RAB37: variants seen among roughly 807,000 people sequenced by gnomAD.
The protein encoded by RAB37 is ras-related protein Rab-37.
RAB37 carries 29 observed loss-of-function variants against 33.1 expected under a neutral mutation model. The observed-to-expected ratio is 0.88, with a 90% CI of 0.65 to 1.20. The LOEUF is 1.20. Ranked by LOEUF, RAB37 falls within the 50% of genes most tolerant of loss-of-function variation. The pLI is 0.00. For synonymous variants in RAB37, 128 were observed against 119.5 expected, an observed-to-expected ratio of 1.07 and a Z score of -0.47; for missense variants, 299 against 301.1, an observed-to-expected ratio of 0.99 and a Z score of 0.05.
rs1161100131 is a variant in RAB37 at position 74,730,368 on chromosome 17, A to G, written c.183+1002A>G. On this transcript the variant is annotated intron_variant, in intron 2 of 7. Transcript: ENST00000340415. This position sits in a 1 kb window ranked among gnomAD's most constrained non-coding sequence, Gnocchi z 4.4. ...GGAAGAGAGAGAGGAAAACTCAGAA[A>G]AATGGGCTTGCCCACTGGGTCACAG... Among the ~76,000 whole-genome samples, 1 of 152,192 alleles carries G rather than the reference A, an allele frequency of 6.6e-6. No homozygotes were observed. Among genetic ancestry groups the G allele is most frequent in the Non-Finnish European group, 1.5e-5 (1 of 68,012 alleles).
rs1190665283 is a variant in RAB37 at position 74,671,802 on chromosome 17, T to C, written c.72+144T>C. On this transcript the variant is annotated intron_variant, in intron 1 of 7. Coordinates refer to the RAB37 transcript ENST00000340415. This position sits in a 1 kb window ranked among gnomAD's most constrained non-coding sequence, Gnocchi z 5.0. ...CTGGGGAGCCCTTTCTGTCTGATCC[T>C]GTTTCCTGCTCAAAACAGAGATGCG... The C allele has an allele frequency of 2.8e-6, 2 of 714,658 alleles. No homozygotes were observed. Among genetic ancestry groups the C allele is most frequent in the Non-Finnish European group, 4.8e-6 (2 of 417,984 alleles). 44.3% of individuals were successfully genotyped at this position (714,658 alleles called of 1,614,324 possible). A position where few individuals can be genotyped will look rare whatever the true frequency, so the allele number is the denominator to read the frequency against.
At chr17:74,720,083 C>A (rs1056999174) in intron 1 of RAB37, among the ~76,000 whole-genome samples, 1 of 152,146 alleles carries the variant, frequency 6.6e-6, no homozygotes, top group Admixed American at 6.6e-5. Context: ...AGGAGAGTTC[C>A]TTTGACCCTT....
chr17:74,679,243 T>G lies in RAB37; in HGVS notation c.72+7585T>G, dbSNP rs113177332. ...TCGGAACTGTCATTTATTAGAGCAG[T>G]ACCCCTAGGGGAGAGTCAGGAACTG... On this transcript the variant is annotated intron_variant, in intron 1 of 7. Coordinates refer to the RAB37 transcript ENST00000340415. Among the ~76,000 whole-genome samples the G allele has an allele frequency of 1.0e-3, 156 of 152,282 alleles. 1 individual carries two copies. Among genetic ancestry groups the G allele is most frequent in the African/African-American group, 3.4e-3 (142 of 41,560 alleles).
chr17:74,736,971 G>A (rs187160335), upstream of RAB37: 651 of 1,561,590 alleles, frequency 4.2e-4, 1 homozygote, highest in East Asian at 3.7e-3. Flanking sequence ...CTCCCCCAGG[G>A]GCAAGCAAGC....
chr17:74,697,048 T>G (rs896706266), intron 1 of RAB37, among the ~76,000 whole-genome samples: 1 of 152,204 alleles, frequency 6.6e-6, no homozygotes, highest in Non-Finnish European at 1.5e-5. Context: ...TTCAAGCGAT[T>G]CTCCTGCCTT....
intron 1 of RAB37, among the ~76,000 whole-genome samples, chr17:74,726,593 TAACA>T (rs2034310436): frequency 6.6e-6 from 1 of 152,114 alleles, no homozygotes; most frequent in Non-Finnish European, 1.5e-5. Flanking sequence ...CCACTGCACA[TAACA>T]AACAAATGAG....
chr17:74,712,001 C>T (rs1289620850), intron 1 of RAB37, among the ~76,000 whole-genome samples: 6 of 149,860 alleles, frequency 4.0e-5, no homozygotes, highest in Non-Finnish European at 8.9e-5. Context: ...AACTCCTGGG[C>T]TCAAGTGATC....
chr17:74,728,861 C>T (rs377579615), intron 1 of RAB37, among the ~76,000 whole-genome samples: 9 of 132,034 alleles, frequency 6.8e-5, no homozygotes, highest in East Asian at 4.5e-4. Context: ...TGTTTCTGTG[C>T]CATGTGTGTT....
intron 1 of RAB37, among the ~76,000 whole-genome samples, chr17:74,696,899 ATTTT>A (rs2032532766): frequency 7.4e-6 from 1 of 136,020 alleles, no homozygotes; most frequent in Admixed American, 7.4e-5. Context: ...GTAGGGACCG[ATTTT>A]GTTTGGTTTG....
chr17:74,732,308 C>T (rs2034394426), upstream of RAB37, among the ~76,000 whole-genome samples: 1 of 152,220 alleles, frequency 6.6e-6, no homozygotes, highest in African/African-American at 2.4e-5. Flanking sequence ...CCACATTTTG[C>T]AAAACATGAG....
In RAB37 at chr17:74,671,600, G is replaced by C. The variant is rs1164836690; in HGVS notation, c.14G>C (p.Arg5Thr). ...TCCAAGCCTGGCATGGACCTGCAGAGACCCGATTCCTACCAGGGAGGAGCT... is the reference window on the plus strand; with the variant it reads ...TCCAAGCCTGGCATGGACCTGCAGACACCCGATTCCTACCAGGGAGGAGCT... Residue 5 changes from arginine to threonine, a missense_variant, in exon 1 of 8, where the codon AGA becomes ACA. By Grantham distance (71) the Arg-to-Thr change is moderately conservative. Transcript: ENST00000340415. This position sits in a 1 kb window ranked among gnomAD's most constrained non-coding sequence, Gnocchi z 5.0. 2 of 1,614,216 alleles carry C rather than the reference G, an allele frequency of 1.2e-6. No individual in the cohort carries two copies. The highest frequency in any genetic ancestry group is 2.2e-5 in the East Asian group (1 of 44,882).
chr17:74,698,583 G>A, intron 1 of RAB37: 1 of 1,519,070 alleles, frequency 6.6e-7, no homozygotes, highest in Non-Finnish European at 8.8e-7. Context: ...CACCTGATGA[G>A]CTGCAGGTCT....
intron 1 of RAB37, chr17:74,694,312 G>C (rs958258892): frequency 2.0e-5 from 3 of 152,096 alleles, no homozygotes; most frequent in East Asian, 1.9e-4. Flanking sequence ...CACCAATTTC[G>C]TGGCTCATTA....
chr17:74,722,999 C>T (rs149508712), intron 1 of RAB37, among the ~76,000 whole-genome samples: 41 of 152,318 alleles, frequency 2.7e-4, no homozygotes, highest in African/African-American at 8.7e-4. Context: ...CAGCATTAGC[C>T]TGGCTCCCAT....
Position 74,671,951 on chromosome 17 carries a change from AC to A in RAB37, c.72+297del, listed in dbSNP as rs1291320949. Among the ~76,000 whole-genome samples, 1 of 151,636 alleles carries A rather than the reference AC, an allele frequency of 6.6e-6. No individual in the cohort carries two copies. The highest frequency in any genetic ancestry group is 6.6e-5 in the Admixed American group (1 of 15,230). ...CCTTGCCTATTTATGCCCCTGGGTG[AC>A]CCCTGGCACCTTGCTCTCCTAACCC... On this transcript the variant is annotated intron_variant, in intron 1 of 7. Transcript: ENST00000340415. The surrounding 1 kb of genome is among the most constrained non-coding windows in gnomAD (Gnocchi z 5.0).
chr17:74,692,370 G>C (rs2032175027), intron 1 of RAB37, among the ~76,000 whole-genome samples: 1 of 152,082 alleles, frequency 6.6e-6, no homozygotes, highest in Admixed American at 6.5e-5. Context: ...AAGTCCCCCA[G>C]AGCGGAAAAG....
Position 74,729,357 on chromosome 17 carries a change from C to T in RAB37, c.174C>T (p.Ile58=), listed in dbSNP as rs749871961. 5.6e-6 allele frequency: 9 copies of T among 1,613,100 alleles called. No individual in the cohort carries two copies. The highest frequency in any genetic ancestry group is 3.3e-5 in the Admixed American group (2 of 59,996). Residue 58 remains isoleucine, a synonymous_variant, in exon 2 of 8, where the codon ATC becomes ATT. Coordinates refer to the RAB37 transcript ENST00000340415. The surrounding 1 kb of genome is among the most constrained non-coding windows in gnomAD (Gnocchi z 4.2). The stretch of plus-strand genomic sequence containing the variant: ...GCTCCTTCTCGGCCACTGTGGGCAT[C>T]GGATTCACGGTAAGCACTGGCCGGC...
Position 74,745,416 on chromosome 17 carries a change from C to T in RAB37, c.*5C>T, listed in dbSNP as rs1263587032. Reference sequence around the variant, plus strand: ...AGCTGCTGCTCCTTCATGTGAATCCCAGGGGGCAGAGAGGAGGCTCTGGAG... The same window carrying T: ...AGCTGCTGCTCCTTCATGTGAATCCTAGGGGGCAGAGAGGAGGCTCTGGAG... On this transcript the variant is annotated 3_prime_UTR_variant, in exon 9 of 9. Transcript: ENST00000392613. This position sits in a 1 kb window ranked among gnomAD's most constrained non-coding sequence, Gnocchi z 4.5. 6.2e-6 allele frequency: 10 copies of T among 1,611,222 alleles called. No individual in the cohort carries two copies. Among genetic ancestry groups the T allele is most frequent in the Non-Finnish European group, 4.2e-6 (5 of 1,177,450 alleles).
upstream of RAB37, among the ~76,000 whole-genome samples, chr17:74,734,972 A>AG (rs2034446362): frequency 6.8e-6 from 1 of 147,134 alleles, no homozygotes; most frequent in Admixed American, 6.8e-5. Context: ...AGAAAGAAAA[A>AG]GAAAGAAAGA....
Sources: gnomAD v4.1 joint callset for allele counts (sites outside exome capture counted in the v4.1 genomes callset) on GRCh38, gnomAD v4.1.1 for gene constraint, Gnocchi (gnomAD v3.1) non-coding constraint, MANE v1.5 for transcripts, NCBI Gene and HGNC (gene_info 2026-07-23, HGNC 2026-07-21) for gene names.